GATM: variants seen among roughly 807,000 people sequenced by gnomAD.
GATM encodes the protein glycine amidinotransferase, also known as glycine amidinotransferase, mitochondrial.
Under a neutral mutation model 54.2 loss-of-function variants are expected in GATM, and 23 were observed. That is an observed-to-expected ratio of 0.42 (90% CI 0.31 to 0.60). The LOEUF is 0.60. Among genes scored for constraint, GATM ranks in the 20% least tolerant of loss-of-function variants. The pLI is 0.14. For missense variants in GATM, 401 were observed against 544.9 expected, an observed-to-expected ratio of 0.74 and a Z score of 2.63; for synonymous variants, 168 against 183.1, an observed-to-expected ratio of 0.92 and a Z score of 0.67.
At chr15:45,386,710 G>A (rs1889807640) in intron 3 of GATM, among the ~76,000 whole-genome samples, 1 of 152,172 alleles carries the variant, frequency 6.6e-6, no homozygotes, top group South Asian at 2.1e-4. Flanking sequence ...CCAGCAAAAG[G>A]CACTTCTCTA....
chr15:45,398,162 AG>A, intron 2 of GATM, among the ~76,000 whole-genome samples: 1 of 152,208 alleles, frequency 6.6e-6, no homozygotes. Context: ...CAAGGATTAC[AG>A]TGTTTTTATT....
chr15:45,363,784 A>T (rs1468281519), intron 8 of GATM, 116 bp downstream of exon 8: 1 of 722,410 alleles, frequency 1.4e-6, no homozygotes, highest in Non-Finnish European at 2.5e-6. Context: ...TGGTGCCTCT[A>T]AAAGGAATCA....
intron 3 of GATM, among the ~76,000 whole-genome samples, chr15:45,390,422 A>T (rs887246908): frequency 2.6e-5 from 4 of 152,210 alleles, no homozygotes; most frequent in African/African-American, 9.6e-5. Context: ...GAAACCAAAG[A>T]AAGGAATGAA....
At chr15:45,385,114 A>C (rs1366582436) in intron 3 of GATM, among the ~76,000 whole-genome samples, 1 of 152,210 alleles carries the variant, frequency 6.6e-6, no homozygotes, top group Non-Finnish European at 1.5e-5. Flanking sequence ...AATGATGCAG[A>C]AGTTAGTGAA....
intron 3 of GATM, among the ~76,000 whole-genome samples, chr15:45,393,027 T>TA (rs1211241871): frequency 1.3e-5 from 2 of 152,248 alleles, no homozygotes; most frequent in Non-Finnish European, 2.9e-5. Flanking sequence ...GACCACTTAA[T>TA]ATGTGCCTGG....
chr15:45,390,945 G>C (rs1889865931), intron 3 of GATM, among the ~76,000 whole-genome samples: 1 of 152,176 alleles, frequency 6.6e-6, no homozygotes, highest in Non-Finnish European at 1.5e-5. Context: ...GATCAGAATT[G>C]ACCTGGAGAT....
intron 2 of GATM, among the ~76,000 whole-genome samples, chr15:45,373,533 T>A (rs1889580708): frequency 6.6e-6 from 1 of 150,472 alleles, no homozygotes; most frequent in African/African-American, 2.4e-5. Context: ...ATATATATAT[T>A]TGATAGCAGA....
chr15:45,396,675 C>G (rs758667155), intron 3 of GATM, among the ~76,000 whole-genome samples: 1 of 151,832 alleles, frequency 6.6e-6, no homozygotes, highest in Non-Finnish European at 1.5e-5. Context: ...TCGAGACCAT[C>G]CTGGCCAACA....
At chr15:45,366,932 T>C (rs1028368706) in intron 4 of GATM, among the ~76,000 whole-genome samples, 1 of 152,198 alleles carries the variant, frequency 6.6e-6, no homozygotes, top group Non-Finnish European at 1.5e-5. Context: ...TTAAACTTTA[T>C]CATAGGTATG....
At chr15:45,375,577 G>A (rs1460759414) in intron 2 of GATM, among the ~76,000 whole-genome samples, 1 of 152,096 alleles carries the variant, frequency 6.6e-6, no homozygotes, top group Non-Finnish European at 1.5e-5. Context: ...TGCCTTATAT[G>A]GTTGTCTTAT....
At chr15:45,396,385 T>C (rs1320896300) in intron 3 of GATM, 1 of 152,244 alleles carries the variant, frequency 6.6e-6, no homozygotes, top group Non-Finnish European at 1.5e-5. Flanking sequence ...TAAGAGATTT[T>C]TCTTGGCTGG....
intron 3 of GATM, among the ~76,000 whole-genome samples, chr15:45,387,556 C>T (rs1020543374): frequency 2.0e-5 from 3 of 152,028 alleles, no homozygotes; most frequent in South Asian, 4.1e-4. Flanking sequence ...AGCACTTATA[C>T]ATGGCTGTAA....
intron 2 of GATM, 54 bp from the exon 3 acceptor site, chr15:45,369,575 G>T (rs928154319): frequency 2.7e-6 from 4 of 1,503,308 alleles, no homozygotes; most frequent in Non-Finnish European, 3.7e-6. Context: ...TACAGCTCAT[G>T]ATAGGTTCAT....
chr15:45,388,117 G>A (rs971165658), intron 3 of GATM, among the ~76,000 whole-genome samples: 1 of 152,202 alleles, frequency 6.6e-6, no homozygotes, highest in East Asian at 1.9e-4. Context: ...CCCCCAGAGT[G>A]CTGAGATTAC....
chr15:45,372,903 C>T (rs1318251596), intron 2 of GATM, among the ~76,000 whole-genome samples: 2 of 152,202 alleles, frequency 1.3e-5, no homozygotes, highest in African/African-American at 4.8e-5. Context: ...AGCAATCATT[C>T]ACCAAGTTGT....
chr15:45,376,282 G>A (rs1308164398), intron 2 of GATM, among the ~76,000 whole-genome samples: 1 of 152,202 alleles, frequency 6.6e-6, no homozygotes, highest in African/African-American at 2.4e-5. Context: ...GAATGGCTAA[G>A]AGAAGGGGGC....
At chr15:45,385,509 TAATA>T (rs1021175852) in intron 3 of GATM, among the ~76,000 whole-genome samples, 2 of 152,210 alleles carry the variant, frequency 1.3e-5, no homozygotes, top group East Asian at 1.9e-4. Flanking sequence ...TTAGGATTTA[TAATA>T]AATAAATTTC....
intron 2 of GATM, among the ~76,000 whole-genome samples, chr15:45,398,414 A>C (rs1337706236): frequency 6.6e-6 from 1 of 152,256 alleles, no homozygotes; most frequent in Non-Finnish European, 1.5e-5. Flanking sequence ...TCTGCAGGTC[A>C]TTTGAAATCC....
At position 45,367,961 on chromosome 15, in the gene GATM, C is replaced by T. The variant is rs187153913; in HGVS notation, c.675+109G>A. The T allele has an allele frequency of 9.3e-4, 785 of 844,976 alleles. 5 individuals are homozygous for T. In the African/African-American group the frequency reaches 0.011, roughly 12 times the overall value. 52.3% of individuals were successfully genotyped at this position (844,976 alleles called of 1,614,324 possible). A position where few individuals can be genotyped will look rare whatever the true frequency, so the allele number is the denominator to read the frequency against. ...CTTTTTAAAAATAAGATGATGTTTT[C>T]GGTTTCTAAAATGCATAATATATAC... On this transcript the variant is annotated intron_variant, in intron 4 of 8. Coordinates refer to ENST00000396659, the MANE Select transcript of GATM (RefSeq NM_001482.3).
Sources: allele counts gnomAD v4.1 joint callset (sites outside exome capture counted in the v4.1 genomes callset), GRCh38; gene constraint gnomAD v4.1.1; transcripts MANE v1.5; gene names NCBI Gene and HGNC (gene_info 2026-07-23, HGNC 2026-07-21).